The following GLB1 variants were observed in gnomAD, a reference collection of about 807,000 sequenced individuals.
The protein encoded by GLB1 is galactosidase beta 1.
GLB1 carries 56 observed loss-of-function variants against 74.0 expected under a neutral mutation model. The ratio of observed to expected loss-of-function variants is 0.76; its 90% confidence interval spans 0.61 to 0.94. The LOEUF is 0.94. GLB1 is among the 40% of genes least tolerant of loss of function. The probability of loss-of-function intolerance (pLI) is 0.00; values close to 1 mark genes in which losing one functional copy is unlikely to be tolerated. For missense variants in GLB1, 787 were observed against 845.5 expected, an observed-to-expected ratio of 0.93 and a Z score of 0.86; for synonymous variants, 323 against 323.6, an observed-to-expected ratio of 1.00 and a Z score of 0.02.
chr3:32,995,901 A>T (rs964130973), downstream of GLB1, among the ~76,000 whole-genome samples: 3 of 152,144 alleles, frequency 2.0e-5, no homozygotes, highest in African/African-American at 7.2e-5. Flanking sequence ...AATACAGATA[A>T]GAAAAAGCAA....
At chr3:33,048,248 G>A (rs955668874) in intron 9 of GLB1, among the ~76,000 whole-genome samples, 1 of 152,132 alleles carries the variant, frequency 6.6e-6, no homozygotes, top group Non-Finnish European at 1.5e-5. Flanking sequence ...TGGGTTTAAG[G>A]ATGGATTGGA....
At chr3:32,984,873 C>T in the GLB1 span, among the ~76,000 whole-genome samples, 1 of 151,062 alleles carries the variant, frequency 6.6e-6, no homozygotes, top group Non-Finnish European at 1.5e-5. Flanking sequence ...ACCTGGGAGG[C>T]GGAGGTTGTG....
intron 2 of GLB1, among the ~76,000 whole-genome samples, chr3:33,070,399 T>C (rs1206712838): frequency 1.3e-5 from 2 of 152,170 alleles, no homozygotes; most frequent in African/African-American, 2.4e-5. Flanking sequence ...ACAGGACACA[T>C]AGACCTTCCC....
At chr3:33,022,750 G>C (rs1697551229) in intron 11 of GLB1, among the ~76,000 whole-genome samples, 1 of 151,506 alleles carries the variant, frequency 6.6e-6, no homozygotes, top group Admixed American at 6.6e-5. Flanking sequence ...AGTAGAGACG[G>C]GGTTTCACCA....
At chr3:32,967,393 C>T in the GLB1 span, among the ~76,000 whole-genome samples, 1 of 152,146 alleles carries the variant, frequency 6.6e-6, no homozygotes, top group African/African-American at 2.4e-5. Context: ...ATGGTGAAAC[C>T]TCGTCTCTAC....
intron 15 of GLB1, among the ~76,000 whole-genome samples, chr3:33,011,965 C>A (rs1697049547): frequency 6.6e-6 from 1 of 152,198 alleles, no homozygotes; most frequent in African/African-American, 2.4e-5. Context: ...GCTTCTAAAA[C>A]CACCGAAGTG....
chr3:33,091,506 A>G, intron 1 of GLB1: 1 of 985,508 alleles, frequency 1.0e-6, no homozygotes, highest in African/African-American at 1.7e-5. Context: ...CCTGTGCCCA[A>G]CAGAGTTCCT....
At chr3:32,964,315 G>C in the GLB1 span, among the ~76,000 whole-genome samples, 2 of 152,216 alleles carry the variant, frequency 1.3e-5, no homozygotes, top group Admixed American at 1.3e-4. Flanking sequence ...GCATTGTGTG[G>C]TCTAGTTGGG....
chr3:33,088,226 C>A (rs945641421), intron 1 of GLB1, among the ~76,000 whole-genome samples: 4 of 152,114 alleles, frequency 2.6e-5, no homozygotes, highest in Admixed American at 2.6e-4. Context: ...TCTGTTTTTG[C>A]CACTTCTACT....
the GLB1 span, among the ~76,000 whole-genome samples, chr3:32,988,919 T>A: frequency 0.037 from 5,490 of 147,308 alleles, 179 homozygotes; most frequent in African/African-American, 0.077. Flanking sequence ...TGGAAGCCCT[T>A]GGCATGGTAA....
chr3:33,035,426 T>C (rs889832674), intron 10 of GLB1, among the ~76,000 whole-genome samples: 3 of 151,300 alleles, frequency 2.0e-5, no homozygotes, highest in Non-Finnish European at 2.9e-5. Flanking sequence ...AACAAGACAC[T>C]GTCTCAAAAA....
At chr3:33,080,309 ACCTCAGGTAATCCGCCG>A (rs1700279665) in intron 1 of GLB1, among the ~76,000 whole-genome samples, 1 of 152,010 alleles carries the variant, frequency 6.6e-6, no homozygotes, top group Non-Finnish European at 1.5e-5. Flanking sequence ...GGAGCTCCTG[ACCTCAGGTAATCCGCCG>A]CCTCGGCTTC....
At chr3:33,087,500 G>A (rs1700555273) in intron 1 of GLB1, among the ~76,000 whole-genome samples, 1 of 151,836 alleles carries the variant, frequency 6.6e-6, no homozygotes, top group Non-Finnish European at 1.5e-5. Context: ...AACCTGGGAG[G>A]TGGAGGTTGC....
chr3:33,012,723 T>C (rs1424994461), intron 15 of GLB1, among the ~76,000 whole-genome samples: 1 of 152,186 alleles, frequency 6.6e-6, no homozygotes, highest in East Asian at 1.9e-4. Flanking sequence ...GCTGCTTCTT[T>C]CAGCAAATGG....
chr3:33,030,910 G>T, intron 10 of GLB1: 1 of 754,822 alleles, frequency 1.3e-6, no homozygotes, highest in Non-Finnish European at 1.6e-6. Flanking sequence ...AATCAGTAGG[G>T]AAGAGGAGGT....
the GLB1 span, among the ~76,000 whole-genome samples, chr3:32,972,063 C>G: frequency 6.6e-6 from 1 of 151,992 alleles, no homozygotes; most frequent in Admixed American, 6.6e-5. Flanking sequence ...ACATAGGAAA[C>G]TGGAAAAATA....
intron 2 of GLB1, 68 bp downstream of exon 2, chr3:33,072,476 T>A (rs1699919960): frequency 6.2e-7 from 1 of 1,605,036 alleles, no homozygotes; most frequent in Admixed American, 1.7e-5. Flanking sequence ...CCCTGAGAAA[T>A]ACAGTTGTAT....
chr3:32,966,686 C>T, the GLB1 span, among the ~76,000 whole-genome samples: 9 of 152,128 alleles, frequency 5.9e-5, no homozygotes, highest in Non-Finnish European at 1.2e-4. Flanking sequence ...GTGTCCCCAC[C>T]CAAATCTCAT....
chr3:32,985,421 G>T, the GLB1 span, among the ~76,000 whole-genome samples: 60 of 151,874 alleles, frequency 4.0e-4, no homozygotes, highest in Non-Finnish European at 5.0e-4. Flanking sequence ...CTCCCAAGTA[G>T]CTGGGATTAC....
Sources: allele counts gnomAD v4.1 joint callset (sites outside exome capture counted in the v4.1 genomes callset), GRCh38; gene constraint gnomAD v4.1.1; transcripts MANE v1.5; gene names NCBI Gene and HGNC (gene_info 2026-07-23, HGNC 2026-07-21).